The following OR51B5 variants were observed in gnomAD, a reference collection of about 807,000 sequenced individuals.
The protein encoded by OR51B5 is olfactory receptor 51B5.
For synonymous variants in OR51B5, 186 were observed against 144.8 expected (o/e 1.28, Z -2.04); for missense variants, 456 against 374.6 (o/e 1.22, Z -1.79).
chr11:5,388,346 T>C (rs928677420), intron 1 of OR51B5, among the ~76,000 whole-genome samples: 5 of 151,662 alleles, frequency 3.3e-5, no homozygotes, highest in Non-Finnish European at 7.4e-5. Context: ...AATTAGTGCA[T>C]AGTGAACTAC....
intron 1 of OR51B5, among the ~76,000 whole-genome samples, chr11:5,417,809 C>T (rs1253088313): frequency 8.6e-6 from 1 of 115,670 alleles, no homozygotes; most frequent in African/African-American, 2.9e-5. Context: ...AATAGGAACA[C>T]TTTTACACTG....
intron 1 of OR51B5, among the ~76,000 whole-genome samples, chr11:5,356,216 T>C (rs1564918779): frequency 6.6e-6 from 1 of 152,038 alleles, no homozygotes; most frequent in African/African-American, 2.4e-5. Context: ...GCAAAAAAGT[T>C]AAAAACCTTG....
intron 1 of OR51B5, among the ~76,000 whole-genome samples, chr11:5,394,334 G>C (rs1268689655): frequency 1.3e-5 from 2 of 152,104 alleles, no homozygotes; most frequent in Non-Finnish European, 2.9e-5. Flanking sequence ...AAGTTTGACA[G>C]TTCTGACTGT....
chr11:5,503,218 A>C (rs1846322671), intron 1 of OR51B5, among the ~76,000 whole-genome samples: 1 of 152,222 alleles, frequency 6.6e-6, no homozygotes, highest in South Asian at 2.1e-4. Context: ...TATTTATCAA[A>C]GATGCATACA....
chr11:5,497,407 G>C (rs115180302), intron 1 of OR51B5, among the ~76,000 whole-genome samples: 1 of 152,080 alleles, frequency 6.6e-6, no homozygotes, highest in African/African-American at 2.4e-5. Context: ...GCAAGACTCC[G>C]TCTCAAAATA....
chr11:5,498,499 C>T (rs1851681339), intron 1 of OR51B5, among the ~76,000 whole-genome samples: 2 of 152,074 alleles, frequency 1.3e-5, no homozygotes, highest in African/African-American at 4.8e-5. Flanking sequence ...CCATTACCTA[C>T]AAATTGTCTT....
chr11:5,403,274 T>C (rs872163), intron 1 of OR51B5: 61,494 of 471,412 alleles, frequency 0.13, 4,913 homozygotes, highest in African/African-American at 0.29. Context: ...TACTCCACAC[T>C]GTATTGGGTA....
intron 1 of OR51B5, among the ~76,000 whole-genome samples, chr11:5,477,663 C>A (rs1196448734): frequency 6.6e-6 from 1 of 151,982 alleles, no homozygotes; most frequent in Non-Finnish European, 1.5e-5. Context: ...GCGCACCGTG[C>A]GCGAGCCGAA....
At chr11:5,372,874 A>T (rs1322945449) in intron 1 of OR51B5, among the ~76,000 whole-genome samples, 1 of 152,228 alleles carries the variant, frequency 6.6e-6, no homozygotes, top group African/African-American at 2.4e-5. Flanking sequence ...AACAATCTTG[A>T]GAAAGAAAAA....
chr11:5,351,831 G>A, intron 1 of OR51B5: 1 of 1,614,014 alleles, frequency 6.2e-7, no homozygotes, highest in Non-Finnish European at 8.5e-7. Flanking sequence ...TTTCTGTCAT[G>A]GAGTCAGGTG....
intron 1 of OR51B5, among the ~76,000 whole-genome samples, chr11:5,411,108 G>A (rs1050346522): frequency 6.6e-6 from 1 of 152,146 alleles, no homozygotes; most frequent in Non-Finnish European, 1.5e-5. Flanking sequence ...AATGTCCTAG[G>A]ACTTTTCATC....
intron 1 of OR51B5, among the ~76,000 whole-genome samples, chr11:5,470,436 C>A (rs949702204): frequency 3.3e-5 from 5 of 152,264 alleles, no homozygotes; most frequent in East Asian, 1.9e-4. Flanking sequence ...ACAACTAATA[C>A]CTTGGAAATT....
chr11:5,479,572 G>A (rs1214316056), intron 1 of OR51B5, among the ~76,000 whole-genome samples: 1 of 151,458 alleles, frequency 6.6e-6, no homozygotes, highest in South Asian at 2.1e-4. Context: ...CTGGCAAATT[G>A]GATAAAGAGT....
chr11:5,457,261 C>G (rs1850974158), intron 1 of OR51B5, among the ~76,000 whole-genome samples: 1 of 152,190 alleles, frequency 6.6e-6, no homozygotes, highest in Non-Finnish European at 1.5e-5. Flanking sequence ...CATTAATTCA[C>G]CTAGGATAAT....
chr11:5,414,774 C>CAAG (rs1850212077), intron 1 of OR51B5, among the ~76,000 whole-genome samples: 1 of 152,036 alleles, frequency 6.6e-6, no homozygotes, highest in Non-Finnish European at 1.5e-5. Context: ...GATTCATAAA[C>CAAG]CAAGTCCTTA....
chr11:5,477,561 C>T lies in OR51B5; in HGVS notation n.84+28008G>A, dbSNP rs187600589. ...GGTCTACAGCTCCCAGCATGAGCAA[C>T]GCAGAAGACGGGTGATTTCTGCATT... On this transcript the variant is annotated intron_variant and non_coding_transcript_variant, in intron 1 of 4. Coordinates refer to the OR51B5 transcript ENST00000415970. Among the ~76,000 whole-genome samples the T allele has an allele frequency of 8.4e-3, 1,275 of 152,276 alleles. 8 individuals carry two copies. The highest frequency in any genetic ancestry group is 0.018 in the Admixed American group (278 of 15,298).
intron 1 of OR51B5, chr11:5,351,907 C>T (rs759165075): frequency 1.2e-6 from 2 of 1,613,030 alleles, no homozygotes; most frequent in Non-Finnish European, 1.7e-6. Flanking sequence ...TACCTCTATC[C>T]TGACCAACAC....
intron 1 of OR51B5, among the ~76,000 whole-genome samples, chr11:5,465,111 C>T (rs1470657174): frequency 7.3e-6 from 1 of 137,906 alleles, no homozygotes; most frequent in Non-Finnish European, 1.5e-5. Context: ...GAGGCTGAGG[C>T]AGGAGAATGG....
chr11:5,430,742 C>T, intron 1 of OR51B5: 1 of 456,996 alleles, frequency 2.2e-6, no homozygotes, highest in Non-Finnish European at 4.4e-6. Flanking sequence ...GGATTAAGTA[C>T]AGGTGGCACC....
Sources: gnomAD v4.1 joint callset for allele counts (sites outside exome capture counted in the v4.1 genomes callset) on GRCh38, gnomAD v4.1.1 for gene constraint, MANE v1.5 for transcripts, NCBI Gene and HGNC (gene_info 2026-07-23, HGNC 2026-07-21) for gene names.